Variants in CDC42SE2 observed in about 807,000 individuals in gnomAD.
The protein encoded by CDC42SE2 is CDC42 small effector 2, also known as CDC42 small effector protein 2.
Under a neutral mutation model 11.5 loss-of-function variants are expected in CDC42SE2, and 3 were observed. That is an observed-to-expected ratio of 0.26 (90% CI 0.12 to 0.67). The LOEUF (loss-of-function observed/expected upper bound fraction) is 0.67. Ranked by LOEUF, CDC42SE2 falls within the 30% of genes least tolerant of loss-of-function variation. The pLI is 0.80. For missense variants in CDC42SE2, 82 were observed against 106.8 expected, an observed-to-expected ratio of 0.77 and a Z score of 1.02; for synonymous variants, 33 against 34.8, an observed-to-expected ratio of 0.95 and a Z score of 0.18.
At chr5:131,378,509 T>A (rs1750219934) in intron 3 of CDC42SE2, among the ~76,000 whole-genome samples, 2 of 152,204 alleles carry the variant, frequency 1.3e-5, no homozygotes, top group East Asian at 1.9e-4. Context: ...TTTCAGAGGT[T>A]CCCAAACTTC....
At chr5:131,216,510 A>AAC in the CDC42SE2 span, among the ~76,000 whole-genome samples, 1 of 139,598 alleles carries the variant, frequency 7.2e-6, no homozygotes, top group African/African-American at 3.0e-5. Context: ...TCAAAAAAAA[A>AAC]AAAAAAAAAA....
the CDC42SE2 span, among the ~76,000 whole-genome samples, chr5:131,231,879 C>T: frequency 6.6e-6 from 1 of 151,934 alleles, no homozygotes; most frequent in Non-Finnish European, 1.5e-5. Flanking sequence ...GCAACCTCCA[C>T]CTCCCAGGTT....
rs371146670 is a variant in CDC42SE2, at chr5:131,375,031, CTTTTTTT to C, written c.55-10501_55-10495del. Among the ~76,000 whole-genome samples, 52 of 138,638 alleles carry C rather than the reference CTTTTTTT, an allele frequency of 3.8e-4. 2 individuals are homozygous for C. Among genetic ancestry groups the C allele is most frequent in the Non-Finnish European group, 7.5e-4 (48 of 63,820 alleles). The allele number at this position is 138,638 out of a possible 152,430, so 91.0% of individuals were successfully genotyped here. A position where few individuals can be genotyped will look rare whatever the true frequency, so the allele number is the denominator to read the frequency against. On this transcript the variant is annotated intron_variant, in intron 3 of 4. Coordinates refer to ENST00000505065, the MANE Select transcript of CDC42SE2 (RefSeq NM_001375635.1). ...CTAGTTCAGATTAGTTTCTCCCCTC[CTTTTTTT>C]TTTTTTTTTTAACCTATTTTGTGCT...
chr5:131,286,810 T>C (rs1421484687), intron 1 of CDC42SE2, among the ~76,000 whole-genome samples: 9 of 151,968 alleles, frequency 5.9e-5, no homozygotes, highest in Non-Finnish European at 1.3e-4. Flanking sequence ...CAATATATAA[T>C]ACATATACTA....
intron 1 of CDC42SE2, among the ~76,000 whole-genome samples, chr5:131,313,418 T>C (rs1329191646): frequency 6.6e-6 from 1 of 152,216 alleles, no homozygotes. Context: ...TGGATTGTGC[T>C]TTTGTGTTTT....
At chr5:131,232,411 T>C in the CDC42SE2 span, among the ~76,000 whole-genome samples, 2 of 151,880 alleles carry the variant, frequency 1.3e-5, no homozygotes, top group Non-Finnish European at 2.9e-5. Context: ...CACCACACCC[T>C]GCCTATACCT....
chr5:131,361,012 A>AT (rs566508892), intron 3 of CDC42SE2, among the ~76,000 whole-genome samples: 1 of 130,820 alleles, frequency 7.6e-6, no homozygotes, highest in Non-Finnish European at 1.7e-5. Context: ...ATTTTTCTTT[A>AT]TTTTTTTTCT....
intron 1 of CDC42SE2, among the ~76,000 whole-genome samples, chr5:131,310,537 G>C (rs1185228348): frequency 6.6e-6 from 1 of 151,910 alleles, no homozygotes; most frequent in Non-Finnish European, 1.5e-5. Flanking sequence ...GTCTAATGTT[G>C]ACAGTGGGGT....
the CDC42SE2 span, among the ~76,000 whole-genome samples, chr5:131,217,941 G>A: frequency 1.3e-5 from 2 of 152,228 alleles, no homozygotes; most frequent in South Asian, 2.1e-4. Flanking sequence ...TTGAGAGGCC[G>A]AGGCGGGTGG....
chr5:131,279,865 G>A (rs1187332293), intron 1 of CDC42SE2, among the ~76,000 whole-genome samples: 1 of 152,172 alleles, frequency 6.6e-6, no homozygotes, highest in East Asian at 1.9e-4. Flanking sequence ...TTGAGTACAG[G>A]AGTTCGAGAT....
upstream of CDC42SE2, among the ~76,000 whole-genome samples, chr5:131,262,868 A>G (rs1756760929): frequency 6.6e-6 from 1 of 152,068 alleles, no homozygotes; most frequent in African/African-American, 2.4e-5. Flanking sequence ...ATGGATGCGG[A>G]GGGCTGACTC....
chr5:131,320,740 C>CA (rs544330250), intron 2 of CDC42SE2, among the ~76,000 whole-genome samples: 144 of 147,682 alleles, frequency 9.8e-4, no homozygotes, highest in South Asian at 9.5e-3. Flanking sequence ...GACTCTGTCT[C>CA]AAAAAAAAAT....
In CDC42SE2 at chr5:131,354,716, G is replaced by A. The variant is rs189678689; in HGVS notation, c.-285-4493G>A. The stretch of plus-strand genomic sequence containing the variant: ...CCTGTTTTTGCTATAGCAGAATAAT[G>A]CTATTTTGCCATTTTAATTCTCGTA... On this transcript the variant is annotated intron_variant, in intron 2 of 4. Coordinates refer to ENST00000505065, the MANE Select transcript of CDC42SE2 (RefSeq NM_001375635.1). 8 of 152,054 alleles carry A rather than the reference G, an allele frequency of 5.3e-5. No homozygotes were observed. The East Asian group carries it at 1.5e-3, about 29-fold the overall frequency. 9.4% of individuals were successfully genotyped at this position (152,054 alleles called of 1,614,324 possible).
At chr5:131,360,698 T>C (rs564033213) in intron 3 of CDC42SE2, among the ~76,000 whole-genome samples, 1 of 152,180 alleles carries the variant, frequency 6.6e-6, no homozygotes, top group Non-Finnish European at 1.5e-5. Context: ...GTTGGCTGGC[T>C]GAACAAATGA....
At chr5:131,344,762 C>T (rs907314855) in intron 2 of CDC42SE2, among the ~76,000 whole-genome samples, 4 of 152,190 alleles carry the variant, frequency 2.6e-5, no homozygotes, top group African/African-American at 9.6e-5. Context: ...TAGGGGCTGA[C>T]TGACACCTCA....
At chr5:131,258,208 C>T (rs1212749568) in intron 2 of CDC42SE2, among the ~76,000 whole-genome samples, 2 of 152,300 alleles carry the variant, frequency 1.3e-5, no homozygotes, top group East Asian at 3.9e-4. Context: ...ATTAGTGCCA[C>T]ATCCCCTTTC....
At chr5:131,359,765 A>G (rs918677201) in intron 3 of CDC42SE2, among the ~76,000 whole-genome samples, 5 of 152,208 alleles carry the variant, frequency 3.3e-5, no homozygotes, top group Admixed American at 2.6e-4. Flanking sequence ...TTCATCGTAC[A>G]TGACTGAGAG....
At chr5:131,362,013 C>T (rs978943161) in intron 3 of CDC42SE2, among the ~76,000 whole-genome samples, 2 of 152,034 alleles carry the variant, frequency 1.3e-5, no homozygotes, top group African/African-American at 2.4e-5. Context: ...GATGGGGGCA[C>T]GGCGGGCCAG....
intron 1 of CDC42SE2, among the ~76,000 whole-genome samples, chr5:131,312,711 C>A (rs375955302): frequency 6.6e-6 from 1 of 152,166 alleles, no homozygotes; most frequent in African/African-American, 2.4e-5. Context: ...TTCCAGGTGC[C>A]GTCCGTCACC....
Sources: allele counts gnomAD v4.1 joint callset (sites outside exome capture counted in the v4.1 genomes callset), GRCh38; gene constraint gnomAD v4.1.1; transcripts MANE v1.5; gene names NCBI Gene and HGNC (gene_info 2026-07-23, HGNC 2026-07-21).